Variants in SHOC1 observed in about 807,000 individuals in gnomAD.
SHOC1 encodes protein shortage in chiasmata 1 ortholog.
SHOC1 carries 136 observed loss-of-function variants against 179.2 expected under a neutral mutation model. That is an observed-to-expected ratio of 0.76 (90% CI 0.66 to 0.87). SHOC1 has a LOEUF of 0.87. SHOC1 is among the 40% of genes least tolerant of loss of function. SHOC1 has a pLI of 0.00. For missense variants in SHOC1, 1,538 were observed against 1,700.8 expected, an observed-to-expected ratio of 0.90 and a Z score of 1.68; for synonymous variants, 489 against 586.6, an observed-to-expected ratio of 0.83 and a Z score of 2.41.
At chr9:111,702,862 C>A (rs866364054) in intron 22 of SHOC1, among the ~76,000 whole-genome samples, 1 of 152,164 alleles carries the variant, frequency 6.6e-6, no homozygotes, top group African/African-American at 2.4e-5. Context: ...ATAATCCCAG[C>A]ACTTTGGGAG....
rs773275094 is a variant in SHOC1, at chr9:111,691,538, T to C, written c.4426+13A>G. The C allele has an allele frequency of 1.9e-6, 3 of 1,583,780 alleles. No individual in the cohort carries two copies. The highest frequency in any genetic ancestry group is 2.7e-5 in the African/African-American group (2 of 73,210). ...ATTTGAGAGTAGTTTTATCAACTATTGGATAGTGTTACCTGTTAATGATTC... is the reference window on the plus strand; with the variant it reads ...ATTTGAGAGTAGTTTTATCAACTATCGGATAGTGTTACCTGTTAATGATTC... On this transcript the variant is annotated intron_variant, in intron 27 of 27. Transcript: ENST00000682961.
Position 111,691,824 on chromosome 9 carries a change from T to G in SHOC1, c.4153A>C (p.Lys1385Gln), listed in dbSNP as rs753911865. The G allele has an allele frequency of 1.6e-5, 26 of 1,613,716 alleles. No individual in the cohort carries two copies. The highest frequency in any genetic ancestry group is 2.2e-5 in the Non-Finnish European group (26 of 1,179,962). ...AAATTACCTTTCTGAGAGTACAATTTGTTACATGCAGTCTGCTGTGCACCA... is the reference window on the plus strand; with the variant it reads ...AAATTACCTTTCTGAGAGTACAATTGGTTACATGCAGTCTGCTGTGCACCA... The part of the protein sequence containing the change: ...QYGAQQTACN[K>Q]LYSQKGNLFT... Residue 1385 changes from lysine to glutamine, a missense_variant, in exon 27 of 28, where the codon AAA becomes CAA. Physicochemically the swap from Lys to Gln is moderately conservative, Grantham distance 53. Transcript: ENST00000682961.
intron 18 of SHOC1, 135 bp downstream of exon 18, chr9:111,712,965 A>G (rs1234208950): frequency 3.4e-6 from 2 of 594,554 alleles, no homozygotes; most frequent in Non-Finnish European, 5.9e-6. Flanking sequence ...TTAGATCCCA[A>G]TGAGTTATAC....
chr9:111,741,612 G>C, intron 10 of SHOC1, 42 bp from the exon 11 acceptor site: 1 of 1,015,956 alleles, frequency 9.8e-7, no homozygotes, highest in Non-Finnish European at 1.5e-6. Flanking sequence ...ATAATATTGA[G>C]TCTTTTGTAT....
In SHOC1 at chr9:111,787,964, AT is replaced by A. The variant is rs539308823; in HGVS notation, c.46-1930del. ...AAGACTCGGGTAATTATTTATTATC[AT>A]TTTTTAGCAATAAAGTATTTTTCAA... On this transcript the variant is annotated intron_variant, in intron 2 of 27. Transcript: ENST00000682961. Among the ~76,000 whole-genome samples, 176 of 151,828 alleles carry A rather than the reference AT, an allele frequency of 1.2e-3. 1 individual carries two copies. Among genetic ancestry groups the A allele is most frequent in the African/African-American group, 4.0e-3 (164 of 41,392 alleles).
chr9:111,737,160 C>G (rs1036463190), intron 12 of SHOC1, among the ~76,000 whole-genome samples: 2 of 152,058 alleles, frequency 1.3e-5, no homozygotes, highest in African/African-American at 4.8e-5. Flanking sequence ...GGAGATTTAT[C>G]AAAGAACTTA....
chr9:111,778,561 G>T (rs2131625185), intron 4 of SHOC1, among the ~76,000 whole-genome samples: 1 of 152,206 alleles, frequency 6.6e-6, no homozygotes, highest in African/African-American at 2.4e-5. Flanking sequence ...CTGAGATCAG[G>T]AGTTTGAGAC....
At chr9:111,714,415 T>G (rs1281918650) in intron 17 of SHOC1, 30 bp downstream of exon 17, 2 of 1,605,158 alleles carry the variant, frequency 1.2e-6, no homozygotes, top group South Asian at 2.2e-5. Context: ...TTAAACTGAT[T>G]ATTTTACCGG....
rs1487281815 is a variant in SHOC1, at chr9:111,692,346, G to T, written c.3631C>A (p.Gln1211Lys). 6.2e-7 allele frequency: 1 copy of T among 1,611,644 alleles called. No homozygotes were observed. The highest frequency in any genetic ancestry group is 1.1e-5 in the South Asian group (1 of 91,000). Residue 1211 changes from glutamine (Q) to lysine (K), a missense_variant, in exon 27 of 28, where the codon CAG becomes AAG. Gln to Lys is a moderately conservative substitution (Grantham distance 53, BLOSUM62 1). Transcript: ENST00000682961. ...ACTGTCTCTCCTAATCCTAAATACT[G>T]ATAATATTCATTATGTTCTTGAATG... ...SVIQEHNEYY[Q>K]YLGLGETVQE... is the part of the protein sequence containing the mutation.
rs78911289 is a variant in SHOC1, at chr9:111,720,877, T to C, written c.2131+1532A>G. 5.7e-3 allele frequency among the ~76,000 whole-genome samples: 863 copies of C among 152,318 alleles called. 7 individuals carry two copies. The highest frequency in any genetic ancestry group is 0.02 in the African/African-American group (822 of 41,568). ...AAGTGTCAGCGTCCTTTTCTGGTCA[T>C]TCTAATATCTTTGTTGATTCTGGGT... On this transcript the variant is annotated intron_variant, in intron 15 of 27. Transcript: ENST00000682961.
chr9:111,780,347 A>C (rs931630242), intron 4 of SHOC1, among the ~76,000 whole-genome samples: 3 of 152,158 alleles, frequency 2.0e-5, no homozygotes. Context: ...ATTGCACCAA[A>C]ATCTCTACTT....
intron 13 of SHOC1, among the ~76,000 whole-genome samples, chr9:111,726,573 T>G (rs1833300199): frequency 6.6e-6 from 1 of 152,184 alleles, no homozygotes; most frequent in Non-Finnish European, 1.5e-5. Context: ...CCAGTAATAT[T>G]ACTTTAAGCA....
At position 111,692,211 on chromosome 9, in the gene SHOC1, T is replaced by G; in HGVS notation, c.3766A>C (p.Lys1256Gln). 6.2e-7 allele frequency: 1 copy of G among 1,613,702 alleles called. No homozygotes were observed. Among genetic ancestry groups the G allele is most frequent in the Non-Finnish European group, 8.5e-7 (1 of 1,179,662 alleles). ...ATATTAGATTTACAGCTGGAGTCTT[T>G]CCAGTAGCTGGTCTGATTGTATGAA... Reference protein sequence around the residue: ...VTSYNQTSYWKDSSCKSNIGQ... With the variant: ...VTSYNQTSYWQDSSCKSNIGQ... Residue 1256 changes from lysine to glutamine, a missense_variant, in exon 27 of 28, where the codon AAA becomes CAA. Transcript: ENST00000682961.
intron 16 of SHOC1, among the ~76,000 whole-genome samples, chr9:111,715,443 G>A (rs1195049347): frequency 6.6e-6 from 1 of 152,130 alleles, no homozygotes; most frequent in Non-Finnish European, 1.5e-5. Context: ...GGGCAACTTA[G>A]AGACTGACTT....
At chr9:111,755,959 C>A (rs1834835580) in intron 8 of SHOC1, among the ~76,000 whole-genome samples, 2 of 152,006 alleles carry the variant, frequency 1.3e-5, no homozygotes, top group African/African-American at 2.4e-5. Context: ...CCCATCTCTA[C>A]TAAAAATACA....
chr9:111,742,757 C>T (rs1479992511), intron 10 of SHOC1, among the ~76,000 whole-genome samples: 2 of 152,148 alleles, frequency 1.3e-5, no homozygotes, highest in Non-Finnish European at 2.9e-5. Flanking sequence ...CTAAGGCATC[C>T]AGTTTACCCA....
Position 111,714,641 on chromosome 9 carries a change from G to C in SHOC1, c.2237-18C>G. On this transcript the variant is annotated intron_variant, in intron 16 of 27. Transcript: ENST00000682961. ...CAAATATCCTATTGAAGCAAAATTA[G>C]AAAAAAATTGTCTAAGTATTTGTTT... 3.8e-6 allele frequency: 6 copies of C among 1,583,394 alleles called. No individual in the cohort carries two copies. Among genetic ancestry groups the C allele is most frequent in the Non-Finnish European group, 5.1e-6 (6 of 1,169,708 alleles).
At chr9:111,694,406 G>A in intron 24 of SHOC1, 44 bp from the exon 25 acceptor site, 1 of 1,397,144 alleles carries the variant, frequency 7.2e-7, no homozygotes, top group Non-Finnish European at 9.9e-7. Flanking sequence ...ATACTAGGAA[G>A]CAAAATATAA....
chr9:111,766,306 C>T lies in SHOC1; in HGVS notation c.443-7458G>A, dbSNP rs77302949. Among the ~76,000 whole-genome samples the T allele has an allele frequency of 7.8e-3, 1,193 of 152,248 alleles. 16 individuals carry two copies. Among genetic ancestry groups the T allele is most frequent in the African/African-American group, 0.025 (1,047 of 41,544 alleles). On this transcript the variant is annotated intron_variant, in intron 5 of 27. Transcript: ENST00000682961. ...TTTTGTTTATTCATCCACTACTGGGCACTTAGGTTGATTACATATCTGGCT... is the reference window on the plus strand; with the variant it reads ...TTTTGTTTATTCATCCACTACTGGGTACTTAGGTTGATTACATATCTGGCT...
Sources: gnomAD v4.1 joint callset for allele counts (sites outside exome capture counted in the v4.1 genomes callset) on GRCh38, gnomAD v4.1.1 for gene constraint, MANE v1.5 for transcripts, NCBI Gene and HGNC (gene_info 2026-07-23, HGNC 2026-07-21) for gene names.